Variants in CD83 observed in about 807,000 individuals in gnomAD.
CD83 encodes the protein CD83 antigen.
A neutral mutation model predicts 24.6 loss-of-function variants in CD83; 22 were observed. That is an observed-to-expected ratio of 0.90 (90% CI 0.64 to 1.28). CD83 has a LOEUF of 1.28. CD83 is among the 50% of genes most tolerant of loss of function. The pLI is 0.00. For synonymous variants in CD83, 101 were observed against 103.5 expected (o/e 0.98, Z 0.14); for missense variants, 253 against 252.8 (o/e 1.00, Z -0.01).
intron 2 of CD83, among the ~76,000 whole-genome samples, chr6:14,125,617 A>G (rs1759786603): frequency 6.6e-6 from 1 of 152,138 alleles, no homozygotes; most frequent in South Asian, 2.1e-4. Flanking sequence ...TCTAGAACCT[A>G]GGTGTGGAGT....
rs1386176743 is a variant in CD83 at position 14,129,295 on chromosome 6, G to C, written c.154-2225G>C. On this transcript the variant is annotated intron_variant, in intron 2 of 4. Coordinates refer to ENST00000379153, the MANE Select transcript of CD83 (RefSeq NM_004233.4). The surrounding 1 kb of genome is among the most constrained non-coding windows in gnomAD (Gnocchi z 4.3). ...CACAGATTGGCCCTGGATGGGCCTC[G>C]GTCTCTGGTCTCTTGAAAGCCCTTG... Among the ~76,000 whole-genome samples, 5 of 152,208 alleles carry C rather than the reference G, an allele frequency of 3.3e-5. No homozygotes were observed. The highest frequency in any genetic ancestry group is 1.2e-4 in the African/African-American group (5 of 41,454).
At chr6:14,117,704 C>T (rs1015883031), upstream of CD83, 2 of 789,966 alleles carry the variant, frequency 2.5e-6, no homozygotes, top group Non-Finnish European at 1.8e-6. The surrounding 1 kb of genome is among the most constrained non-coding windows in gnomAD (Gnocchi z 4.6). Context: ...CCGGGGAATC[C>T]CCCGGGCTGG....
At chr6:14,118,715 T>C (rs552865675) in intron 2 of CD83, among the ~76,000 whole-genome samples, 1 of 152,294 alleles carries the variant, frequency 6.6e-6, no homozygotes, top group African/African-American at 2.4e-5. Context: ...GCCTTGCTGC[T>C]CCTACTGTAA....
intron 2 of CD83, among the ~76,000 whole-genome samples, chr6:14,119,748 G>A (rs970700738): frequency 2.0e-5 from 3 of 152,208 alleles, no homozygotes; most frequent in Admixed American, 6.5e-5. Context: ...GGAAAAACAT[G>A]AAACCACTAT....
chr6:14,117,748 A>G (rs1759565653), upstream of CD83: 22 of 1,286,932 alleles, frequency 1.7e-5, no homozygotes, highest in South Asian at 3.5e-4. The surrounding 1 kb of genome is among the most constrained non-coding windows in gnomAD (Gnocchi z 4.6). Context: ...GCGGGCATAA[A>G]AGGGCAGCCG....
At chr6:14,122,663 C>T (rs1759695058) in intron 2 of CD83, among the ~76,000 whole-genome samples, 1 of 152,204 alleles carries the variant, frequency 6.6e-6, no homozygotes, top group South Asian at 2.1e-4. Flanking sequence ...GTACTGTCCC[C>T]ATTGGCACCT....
chr6:14,134,179 T>C (rs895419935), intron 4 of CD83, among the ~76,000 whole-genome samples: 1 of 152,208 alleles, frequency 6.6e-6, no homozygotes, highest in Non-Finnish European at 1.5e-5. Context: ...CTCCTTTGGC[T>C]GCCTTCAAAC....
intron 3 of CD83, among the ~76,000 whole-genome samples, 193 bp downstream of exon 3, chr6:14,131,941 T>C (rs867238150): frequency 6.6e-6 from 1 of 152,174 alleles, no homozygotes; most frequent in Non-Finnish European, 1.5e-5. Context: ...TTTGTTTGAC[T>C]TTTGCCCAAC....
At chr6:14,124,149 G>A (rs1759734364) in intron 2 of CD83, among the ~76,000 whole-genome samples, 1 of 152,150 alleles carries the variant, frequency 6.6e-6, no homozygotes. Flanking sequence ...GTGTATTTGG[G>A]TAAAATTTCC....
At position 14,118,000 on chromosome 6, in the gene CD83, G is replaced by A. The variant is rs1381569118; in HGVS notation, c.88G>A (p.Asp30Asn). ...TPEVKVACSEDVDLPCTAPWD... is the reference protein window; with the variant it reads ...TPEVKVACSENVDLPCTAPWD... ...GGAGGTGAAGGTGGCTTGCTCCGAA[G>A]ATGTGGACTTGCCCTGCACCGCCCC... The change falls in exon 2 of 5, where the codon GAT becomes AAT. Residue 30 changes from aspartate (D) to asparagine (N), a missense_variant. Asp to Asn is a conservative substitution (Grantham distance 23). Coordinates refer to ENST00000379153, the MANE Select transcript of CD83 (RefSeq NM_004233.4). The surrounding 1 kb of genome is among the most constrained non-coding windows in gnomAD (Gnocchi z 4.6). The A allele has an allele frequency of 1.2e-6, 2 of 1,611,796 alleles. No homozygotes were observed. Among genetic ancestry groups the A allele is most frequent in the Middle Eastern group, 1.6e-4 (1 of 6,062 alleles).
rs1193800438 is a variant in CD83, at chr6:14,135,704, G to A, written c.*468G>A. The A allele has an allele frequency of 6.5e-6, 1 of 154,472 alleles. No homozygotes were observed. Among genetic ancestry groups the A allele is most frequent in the East Asian group, 1.9e-4 (1 of 5,266 alleles). The allele number at this position is 154,472 out of a possible 1,614,324, so 9.6% of individuals were successfully genotyped here. On this transcript the variant is annotated 3_prime_UTR_variant, in exon 5 of 5. Transcript: ENST00000379153. Reference sequence around the variant, plus strand: ...CGTCTGGGAGAAATTGACAGATCAAGCTGTGAGACAGTGGGAAATATTTAG... The same window carrying A: ...CGTCTGGGAGAAATTGACAGATCAAACTGTGAGACAGTGGGAAATATTTAG...
At chr6:14,133,610 C>A (rs1478762979) in intron 3 of CD83, 39 bp from the exon 4 acceptor site, 6 of 1,375,012 alleles carry the variant, frequency 4.4e-6, no homozygotes, top group Non-Finnish European at 6.1e-6. Context: ...TAGAAAAATC[C>A]TGTTAAAATG....
chr6:14,125,077 G>A (rs529458717), intron 2 of CD83, among the ~76,000 whole-genome samples: 1 of 152,334 alleles, frequency 6.6e-6, no homozygotes, highest in East Asian at 1.9e-4. Context: ...TAGAAGCTAA[G>A]AGAAAGGCAC....
chr6:14,128,259 G>A (rs1759867079), intron 2 of CD83, among the ~76,000 whole-genome samples: 1 of 152,188 alleles, frequency 6.6e-6, no homozygotes, highest in Admixed American at 6.5e-5. Flanking sequence ...CAGGGTGATA[G>A]CTGCCTGGCC....
Position 14,117,934 on chromosome 6 carries a change from T to C in CD83, c.38-16T>C. 1 of 1,600,194 alleles carries C rather than the reference T, an allele frequency of 6.2e-7. No individual in the cohort carries two copies. The highest frequency in any genetic ancestry group is 8.5e-7 in the Non-Finnish European group (1 of 1,175,764). On this transcript the variant is annotated splice_polypyrimidine_tract_variant and intron_variant, in intron 1 of 4. Transcript: ENST00000379153. This position sits in a 1 kb window ranked among gnomAD's most constrained non-coding sequence, Gnocchi z 4.6. ...CGTCGGTCGCTTGCTCACGACGCGC[T>C]CTCTCTTTCTTGTAGCCTACAGCCT... is the stretch of plus-strand genomic sequence containing the variant.
intron 2 of CD83, among the ~76,000 whole-genome samples, chr6:14,125,291 C>T (rs1759777765): frequency 6.6e-6 from 1 of 152,230 alleles, no homozygotes; most frequent in South Asian, 2.1e-4. Flanking sequence ...TTCCATCTGT[C>T]AACTCTGCCT....
intron 2 of CD83, among the ~76,000 whole-genome samples, chr6:14,130,940 G>A (rs1757880490): frequency 6.6e-6 from 1 of 152,202 alleles, no homozygotes; most frequent in Non-Finnish European, 1.5e-5. Flanking sequence ...CAGAGAAAAG[G>A]TGTGGCACAT....
intron 2 of CD83, among the ~76,000 whole-genome samples, chr6:14,118,692 T>A (rs571335242): frequency 2.6e-5 from 4 of 152,302 alleles, no homozygotes; most frequent in African/African-American, 9.6e-5. Flanking sequence ...GGAGCCCGCA[T>A]GTGTAAGAAC....
At chr6:14,126,812 C>T (rs1177094144) in intron 2 of CD83, among the ~76,000 whole-genome samples, 1 of 151,836 alleles carries the variant, frequency 6.6e-6, no homozygotes, top group East Asian at 1.9e-4. Context: ...ACAAGAAATG[C>T]GATAAAAAAA....
Sources: gnomAD v4.1 joint callset for allele counts (sites outside exome capture counted in the v4.1 genomes callset) on GRCh38, gnomAD v4.1.1 for gene constraint, Gnocchi (gnomAD v3.1) non-coding constraint, MANE v1.5 for transcripts, NCBI Gene and HGNC (gene_info 2026-07-23, HGNC 2026-07-21) for gene names.